The following EYS variants were observed in gnomAD, a reference collection of about 807,000 sequenced individuals.
EYS encodes the protein EGF-like photoreceptor maintenance factor.
A neutral mutation model predicts 282.1 loss-of-function variants in EYS; 250 were observed. The ratio of observed to expected loss-of-function variants is 0.89; its 90% CI spans 0.80 to 0.98. The LOEUF (loss-of-function observed/expected upper bound fraction) is 0.98, where lower values mean the gene tolerates loss of function less well. Among genes scored for constraint, EYS ranks in the 50% least tolerant of loss-of-function variants. The pLI, the probability that EYS is intolerant of heterozygous loss-of-function variation, is 0.00. For synonymous variants in EYS, 1,355 were observed against 1,282.9 expected (o/e 1.06, Z -1.20); for missense variants, 4,016 against 3,709.0 (o/e 1.08, Z -2.15).
intron 37 of EYS, among the ~76,000 whole-genome samples, chr6:63,795,227 G>C (rs1301336609): frequency 6.6e-6 from 1 of 152,128 alleles, no homozygotes; most frequent in African/African-American, 2.4e-5. Context: ...AAATCTCATG[G>C]GGCAACAAGA....
At chr6:64,938,274 G>A (rs1225950124) in intron 15 of EYS, among the ~76,000 whole-genome samples, 1 of 151,304 alleles carries the variant, frequency 6.6e-6, no homozygotes, top group Non-Finnish European at 1.5e-5. Flanking sequence ...TTGCTTTCTG[G>A]TTTCAGTTAC....
intron 15 of EYS, among the ~76,000 whole-genome samples, chr6:64,929,135 C>G (rs1360761870): frequency 6.6e-6 from 1 of 151,924 alleles, no homozygotes; most frequent in Non-Finnish European, 1.5e-5. Flanking sequence ...GAAACTAATT[C>G]AATAGGACCA....
intron 22 of EYS, among the ~76,000 whole-genome samples, chr6:64,806,335 C>A (rs183545958): frequency 1.3e-5 from 2 of 151,882 alleles, no homozygotes; most frequent in East Asian, 3.9e-4. Context: ...AGTTACCTAA[C>A]TTCTCTTAGT....
chr6:63,936,061 A>G (rs1483070310), intron 35 of EYS, among the ~76,000 whole-genome samples: 1 of 152,130 alleles, frequency 6.6e-6, no homozygotes, highest in Non-Finnish European at 1.5e-5. Context: ...TTGGCTTCAA[A>G]CTTATATTGT....
intron 12 of EYS, among the ~76,000 whole-genome samples, chr6:65,199,289 T>C (rs574730595): frequency 8.0e-4 from 122 of 152,254 alleles, no homozygotes; most frequent in Non-Finnish European, 1.0e-4. Context: ...CACTGCAAAG[T>C]CAAAACCTTT....
At chr6:64,442,943 G>C (rs1774999222) in intron 26 of EYS, among the ~76,000 whole-genome samples, 1 of 140,466 alleles carries the variant, frequency 7.1e-6, no homozygotes, top group Non-Finnish European at 1.6e-5. Flanking sequence ...CCCTACTGGG[G>C]CACTGCCTAG....
chr6:64,512,496 AG>A (rs1317966754), intron 26 of EYS, among the ~76,000 whole-genome samples: 1 of 151,882 alleles, frequency 6.6e-6, no homozygotes. Context: ...GGGAAGGGGG[AG>A]GGGGCCATCT....
At chr6:64,899,963 C>T (rs1767601656) in intron 18 of EYS, among the ~76,000 whole-genome samples, 1 of 152,148 alleles carries the variant, frequency 6.6e-6, no homozygotes, top group Admixed American at 6.5e-5. Flanking sequence ...AGGCACAATG[C>T]TACCTGACTT....
chr6:64,185,923 T>G (rs1014360195), intron 31 of EYS, among the ~76,000 whole-genome samples: 3 of 152,134 alleles, frequency 2.0e-5, no homozygotes, highest in Non-Finnish European at 4.4e-5. Flanking sequence ...GTTAAAAAAT[T>G]GATAGAGCTG....
chr6:64,602,822 T>C (rs1766803194), intron 24 of EYS, among the ~76,000 whole-genome samples: 1 of 152,046 alleles, frequency 6.6e-6, no homozygotes, highest in African/African-American at 2.4e-5. Context: ...GTAAATTATT[T>C]GAAAATTTAG....
intron 29 of EYS, among the ~76,000 whole-genome samples, chr6:64,367,382 A>G (rs1772215092): frequency 1.3e-5 from 2 of 152,040 alleles, no homozygotes; most frequent in Non-Finnish European, 2.9e-5. Context: ...AAAAAATTAT[A>G]TATATTTGTA....
intron 31 of EYS, among the ~76,000 whole-genome samples, chr6:64,127,794 CTG>C (rs1187572764): frequency 2.6e-5 from 4 of 152,064 alleles, no homozygotes; most frequent in African/African-American, 9.7e-5. Flanking sequence ...AGTTTTGAAA[CTG>C]TTTCAAGGAA....
chr6:64,760,955 G>T (rs78374524), intron 22 of EYS, among the ~76,000 whole-genome samples: 1 of 152,156 alleles, frequency 6.6e-6, no homozygotes, highest in Non-Finnish European at 1.5e-5. Context: ...AGAAGGAGTA[G>T]GAAGGAAGTA....
intron 32 of EYS, among the ~76,000 whole-genome samples, chr6:64,067,387 C>A (rs1254604200): frequency 5.3e-5 from 8 of 152,106 alleles, no homozygotes; most frequent in Non-Finnish European, 1.2e-4. Context: ...AATCACTATT[C>A]TTTTCTGCTC....
chr6:64,047,971 T>A (rs1364204761), intron 33 of EYS, among the ~76,000 whole-genome samples: 1 of 152,174 alleles, frequency 6.6e-6, no homozygotes, highest in Non-Finnish European at 1.5e-5. Context: ...AGTGGTGCGA[T>A]CTTGGCTCAC....
intron 26 of EYS, among the ~76,000 whole-genome samples, chr6:64,543,572 C>T (rs1030194719): frequency 3.3e-5 from 5 of 152,006 alleles, no homozygotes; most frequent in Non-Finnish European, 7.4e-5. Context: ...CTTAAAGGCT[C>T]TATCACAAAA....
intron 11 of EYS, among the ~76,000 whole-genome samples, chr6:65,322,156 A>C (rs1229179675): frequency 2.6e-5 from 4 of 152,196 alleles, no homozygotes; most frequent in African/African-American, 9.7e-5. Flanking sequence ...TGGACTAGGC[A>C]GGTCACCTTT....
intron 29 of EYS, 90 bp from the exon 30 acceptor site, chr6:64,307,172 A>G: frequency 1.5e-6 from 1 of 652,698 alleles, no homozygotes; most frequent in Middle Eastern, 2.6e-4. Flanking sequence ...CAGGGTATGC[A>G]ACTGGATTTG....
chr6:65,476,807 C>T (rs372678092), intron 5 of EYS, among the ~76,000 whole-genome samples: 2 of 152,066 alleles, frequency 1.3e-5, no homozygotes, highest in East Asian at 3.9e-4. Context: ...AATCTCTTGA[C>T]CTTGTGATCC....
Sources: allele counts gnomAD v4.1 joint callset (sites outside exome capture counted in the v4.1 genomes callset), GRCh38; gene constraint gnomAD v4.1.1; transcripts MANE v1.5; gene names NCBI Gene and HGNC (gene_info 2026-07-23, HGNC 2026-07-21).